CDH13: variants seen among roughly 807,000 people sequenced by gnomAD.
CDH13 encodes the protein cadherin-13.
CDH13 carries 24 observed loss-of-function variants against 63.8 expected under a neutral mutation model. That is an observed-to-expected ratio of 0.38 (90% confidence interval 0.27 to 0.53). CDH13 has a LOEUF of 0.53. Among genes scored for constraint, CDH13 ranks in the 20% least tolerant of loss-of-function variants. The pLI is 0.85. For synonymous variants in CDH13, 503 were observed against 355.3 expected, an observed-to-expected ratio of 1.42 and a Z score of -4.67; for missense variants, 1,049 against 903.1, an observed-to-expected ratio of 1.16 and a Z score of -2.07.
intron 7 of CDH13, among the ~76,000 whole-genome samples, chr16:83,524,445 C>CTTTTTTTTTTTTT (rs150233410): frequency 1.2e-4 from 7 of 59,270 alleles, no homozygotes; most frequent in African/African-American, 3.5e-4. Flanking sequence ...TTTCTTTTTT[C>CTTTTTTTTTTTTT]TTTTTTTTTT....
chr16:83,386,086 A>C (rs889716), intron 6 of CDH13, among the ~76,000 whole-genome samples: 16,391 of 152,262 alleles, frequency 0.11, 1,155 homozygotes, highest in Non-Finnish European at 0.16. Context: ...CAACAGTACC[A>C]ACCTCATAGG....
intron 2 of CDH13, among the ~76,000 whole-genome samples, chr16:83,012,018 T>C (rs1416521808): frequency 6.6e-6 from 1 of 152,214 alleles, no homozygotes; most frequent in African/African-American, 2.4e-5. Flanking sequence ...ATTTTAATTT[T>C]ACGCCCTTTC....
chr16:83,787,576 C>G (rs970984550), intron 13 of CDH13, among the ~76,000 whole-genome samples: 2 of 152,232 alleles, frequency 1.3e-5, no homozygotes, highest in Admixed American at 6.5e-5. Context: ...CCACCAGCTT[C>G]TGGAGTGAGC....
At chr16:83,176,081 C>T (rs547018997) in intron 4 of CDH13, among the ~76,000 whole-genome samples, 9 of 151,838 alleles carry the variant, frequency 5.9e-5, no homozygotes, top group African/African-American at 2.2e-4. Flanking sequence ...AAATCTCTAC[C>T]TCAGGTCATC....
intron 6 of CDH13, among the ~76,000 whole-genome samples, chr16:83,368,467 G>C (rs1348315247): frequency 6.6e-6 from 1 of 152,028 alleles, no homozygotes; most frequent in Non-Finnish European, 1.5e-5. Context: ...TATTCACCAT[G>C]CCTAGTTGTT....
chr16:83,216,443 T>TACACACACATAC lies in CDH13; in HGVS notation c.484-897_484-896insCACATACACACA, dbSNP rs1555513922. ...ATATATATATATATATATATATATA[T>TACACACACATAC]ACACAACCCTAATTTGAGGTTTATA... On this transcript the variant is annotated intron_variant, in intron 4 of 13. Coordinates refer to ENST00000567109, the MANE Select transcript of CDH13 (RefSeq NM_001257.5). 4.4e-3 allele frequency among the ~76,000 whole-genome samples: 410 copies of TACACACACATAC among 93,432 alleles called. 18 individuals are homozygous for TACACACACATAC. Among genetic ancestry groups the TACACACACATAC allele is most frequent in the African/African-American group, 0.015 (386 of 25,380 alleles). 61.3% of individuals were successfully genotyped at this position (93,432 alleles called of 152,430 possible).
At chr16:83,514,656 G>T (rs1242862548) in intron 7 of CDH13, among the ~76,000 whole-genome samples, 1 of 152,014 alleles carries the variant, frequency 6.6e-6, no homozygotes, top group Admixed American at 6.6e-5. Flanking sequence ...AAATTAAAAA[G>T]AGAAGAAGAG....
chr16:82,830,447 G>A (rs1231958494), intron 1 of CDH13, among the ~76,000 whole-genome samples: 5 of 152,140 alleles, frequency 3.3e-5, no homozygotes, highest in African/African-American at 9.7e-5. Context: ...TATGAAATGG[G>A]TATAGTGCCT....
At chr16:83,493,091 G>T (rs79079943) in intron 7 of CDH13, among the ~76,000 whole-genome samples, 18 of 152,174 alleles carry the variant, frequency 1.2e-4, no homozygotes, top group African/African-American at 4.3e-4. Context: ...ATCTGCCACA[G>T]TGAGAATAAT....
At chr16:83,064,180 C>T (rs893090649) in intron 3 of CDH13, among the ~76,000 whole-genome samples, 3 of 152,058 alleles carry the variant, frequency 2.0e-5, no homozygotes, top group Non-Finnish European at 2.9e-5. Flanking sequence ...AACAGTCTGG[C>T]CCACATGATG....
chr16:83,423,912 C>T lies in CDH13; in HGVS notation c.782-62565C>T, dbSNP rs555448061. On this transcript the variant is annotated intron_variant, in intron 6 of 13. Coordinates refer to ENST00000567109, the MANE Select transcript of CDH13 (RefSeq NM_001257.5). ...CCCTCCGTCCTATGGCAGTCTGGGA[C>T]GTGGCTGTACACTATAACTAAACTT... Among the ~76,000 whole-genome samples, 23 of 152,306 alleles carry T rather than the reference C, an allele frequency of 1.5e-4. No homozygotes were observed. In the East Asian group the frequency reaches 2.1e-3, roughly 14 times the overall value.
intron 2 of CDH13, among the ~76,000 whole-genome samples, chr16:82,864,424 G>A (rs571086585): frequency 6.6e-6 from 1 of 152,092 alleles, no homozygotes; most frequent in South Asian, 2.1e-4. Flanking sequence ...CATGGCTGAG[G>A]GGTGGCCTCG....
At chr16:83,001,832 T>G (rs925718359) in intron 2 of CDH13, among the ~76,000 whole-genome samples, 3 of 152,206 alleles carry the variant, frequency 2.0e-5, no homozygotes, top group South Asian at 2.1e-4. Flanking sequence ...TTTTGACTGC[T>G]GGGGAGCTAT....
chr16:82,847,192 C>T (rs2039296681), intron 1 of CDH13, among the ~76,000 whole-genome samples: 1 of 152,174 alleles, frequency 6.6e-6, no homozygotes, highest in Non-Finnish European at 1.5e-5. Flanking sequence ...TGGGGCCAGG[C>T]TATAGTAGAC....
intron 3 of CDH13, among the ~76,000 whole-genome samples, chr16:83,111,264 A>G (rs1422573066): frequency 2.0e-5 from 3 of 152,152 alleles, no homozygotes; most frequent in Non-Finnish European, 4.4e-5. Context: ...AAAAATCCCT[A>G]ATTTCTATTG....
chr16:83,243,076 G>A (rs150047172), intron 5 of CDH13, among the ~76,000 whole-genome samples: 2 of 152,276 alleles, frequency 1.3e-5, no homozygotes, highest in Non-Finnish European at 2.9e-5. Context: ...AATTGGTACA[G>A]CCAGGACTGG....
At chr16:83,008,713 A>ATG (rs1389298652) in intron 2 of CDH13, among the ~76,000 whole-genome samples, 1 of 152,196 alleles carries the variant, frequency 6.6e-6, no homozygotes, top group Non-Finnish European at 1.5e-5. Context: ...GCAGAAGATC[A>ATG]TGGTGGCCTG....
At chr16:82,776,983 C>G (rs1054873480) in intron 1 of CDH13, among the ~76,000 whole-genome samples, 3 of 152,194 alleles carry the variant, frequency 2.0e-5, no homozygotes, top group Admixed American at 2.0e-4. Flanking sequence ...CCCAGAACAT[C>G]AGGTTGGAGT....
chr16:83,544,373 C>T (rs1226280290), intron 7 of CDH13, among the ~76,000 whole-genome samples: 2 of 152,060 alleles, frequency 1.3e-5, no homozygotes, highest in Admixed American at 6.6e-5. Flanking sequence ...CCTCAACTTA[C>T]GATGGGTTTA....
Sources: allele counts gnomAD v4.1 joint callset (sites outside exome capture counted in the v4.1 genomes callset), GRCh38; gene constraint gnomAD v4.1.1; transcripts MANE v1.5; gene names NCBI Gene and HGNC (gene_info 2026-07-23, HGNC 2026-07-21).